The following DLGAP1 variants were observed in gnomAD, a reference collection of about 807,000 sequenced individuals.
DLGAP1 encodes the protein DLG associated protein 1, also known as disks large-associated protein 1.
A neutral mutation model predicts 90.8 loss-of-function variants in DLGAP1; 11 were observed. The observed-to-expected ratio is 0.12, with a 90% CI of 0.08 to 0.20. The LOEUF (loss-of-function observed/expected upper bound fraction) is 0.20, where lower values mean the gene tolerates loss of function less well. Among genes scored for constraint, DLGAP1 ranks in the 10% least tolerant of loss-of-function variants. DLGAP1 has a pLI of 1.00. For synonymous variants in DLGAP1, 558 were observed against 540.7 expected, an observed-to-expected ratio of 1.03 and a Z score of -0.44; for missense variants, 1,050 against 1,333.8, an observed-to-expected ratio of 0.79 and a Z score of 3.31.
chr18:3,844,606 A>G (rs566006340), intron 4 of DLGAP1, among the ~76,000 whole-genome samples: 1 of 152,328 alleles, frequency 6.6e-6, no homozygotes, highest in East Asian at 1.9e-4. Context: ...CACATGAACC[A>G]AAATCATTGC....
intron 1 of DLGAP1, among the ~76,000 whole-genome samples, chr18:4,300,621 C>A (rs1434642533): frequency 6.6e-6 from 1 of 152,110 alleles, no homozygotes; most frequent in Non-Finnish European, 1.5e-5. Flanking sequence ...TATTACTGAT[C>A]ACCCCTCTTT....
chr18:4,234,865 G>A (rs28459411), intron 1 of DLGAP1, among the ~76,000 whole-genome samples: 3,462 of 152,210 alleles, frequency 0.023, 43 homozygotes, highest in African/African-American at 0.024. Flanking sequence ...TAAAAGAATA[G>A]TTTAAAAGAA....
intron 10 of DLGAP1, among the ~76,000 whole-genome samples, chr18:3,525,821 C>T (rs909051622): frequency 6.6e-6 from 1 of 152,206 alleles, no homozygotes; most frequent in Non-Finnish European, 1.5e-5. Flanking sequence ...GGCCTAGGAA[C>T]AGATCTGTTT....
rs756706664 is a variant in DLGAP1 at position 3,581,840 on chromosome 18, T to A, written c.1965+35A>T. On this transcript the variant is annotated intron_variant, in intron 8 of 12. Transcript: ENST00000315677. ...AAGTGTTACATTCCTTAGTTTTAAG[T>A]TCCTATTTCAAAGGATAGAAAGGGA... The A allele has an allele frequency of 1.1e-5, 18 of 1,602,222 alleles. No individual in the cohort carries two copies. The South Asian group carries it at 1.9e-4, about 17-fold the overall frequency.
chr18:4,343,510 C>T (rs1236612074), intron 1 of DLGAP1, among the ~76,000 whole-genome samples: 1 of 151,978 alleles, frequency 6.6e-6, no homozygotes, highest in Admixed American at 6.6e-5. Flanking sequence ...AAGGGTAAAA[C>T]AGCCAAACTC....
At chr18:4,345,563 G>C (rs769266569) in intron 1 of DLGAP1, among the ~76,000 whole-genome samples, 1 of 152,082 alleles carries the variant, frequency 6.6e-6, no homozygotes. Flanking sequence ...CACAAATTGT[G>C]GCAATTATAG....
At chr18:3,930,354 C>T (rs1218340121) in intron 3 of DLGAP1, among the ~76,000 whole-genome samples, 1 of 152,128 alleles carries the variant, frequency 6.6e-6, no homozygotes, top group Admixed American at 6.6e-5. Flanking sequence ...CAAATATTTT[C>T]CCAGGTGGTT....
intron 2 of DLGAP1, among the ~76,000 whole-genome samples, chr18:4,097,254 T>C (rs916168160): frequency 6.6e-6 from 1 of 152,228 alleles, no homozygotes; most frequent in South Asian, 2.1e-4. Context: ...GGGGATCTGA[T>C]TGTTTCCTTG....
intron 7 of DLGAP1, among the ~76,000 whole-genome samples, chr18:3,633,819 T>A (rs1321126839): frequency 6.6e-6 from 1 of 152,204 alleles, no homozygotes; most frequent in African/African-American, 2.4e-5. Context: ...ATGGAGTCAG[T>A]GTAAGAACGT....
At chr18:3,833,170 C>A (rs1255664318) in intron 4 of DLGAP1, among the ~76,000 whole-genome samples, 1,661 of 4,876 alleles carry the variant, frequency 0.34, 158 homozygotes, top group Middle Eastern at 0.43. Flanking sequence ...TCCTTCCTTC[C>A]TTCCTTCCTT....
At chr18:3,873,773 A>G (rs779100783) in intron 4 of DLGAP1, among the ~76,000 whole-genome samples, 4 of 152,188 alleles carry the variant, frequency 2.6e-5, no homozygotes, top group Non-Finnish European at 5.9e-5. Flanking sequence ...CCCCAAAAAG[A>G]GCAATCATCA....
At chr18:3,562,535 C>T (rs1349708582) in intron 9 of DLGAP1, among the ~76,000 whole-genome samples, 2 of 145,762 alleles carry the variant, frequency 1.4e-5, no homozygotes, top group African/African-American at 2.6e-5. Context: ...GCCCTCTTCT[C>T]TCCCTTTTTT....
intron 3 of DLGAP1, among the ~76,000 whole-genome samples, chr18:3,969,455 C>A (rs2073399036): frequency 6.6e-6 from 1 of 152,070 alleles, no homozygotes; most frequent in South Asian, 2.1e-4. Context: ...CCCATTCTAG[C>A]CGTAGGAAAA....
intron 9 of DLGAP1, among the ~76,000 whole-genome samples, chr18:3,564,193 T>C (rs1018932944): frequency 6.6e-6 from 1 of 152,228 alleles, no homozygotes; most frequent in Non-Finnish European, 1.5e-5. Context: ...CATTTAGTAA[T>C]GTACTGGTAA....
chr18:3,941,310 C>T (rs928761804), intron 3 of DLGAP1, among the ~76,000 whole-genome samples: 1 of 152,178 alleles, frequency 6.6e-6, no homozygotes, highest in South Asian at 2.1e-4. Context: ...TTGGGGCTCA[C>T]GATGGAAACA....
chr18:3,562,853 C>T (rs1027958009), intron 9 of DLGAP1, among the ~76,000 whole-genome samples: 5 of 151,764 alleles, frequency 3.3e-5, no homozygotes, highest in East Asian at 1.9e-4. Context: ...TTTTGAGACA[C>T]GGTCTCTCTC....
At chr18:3,799,499 CTT>C (rs36090682) in intron 5 of DLGAP1, among the ~76,000 whole-genome samples, 24 of 144,174 alleles carry the variant, frequency 1.7e-4, no homozygotes, top group Admixed American at 2.7e-4. Context: ...AACGTAGTGC[CTT>C]TTTTTTTTTT....
rs185607842 is a variant in DLGAP1 at position 3,537,502 on chromosome 18, C to T, written c.2058-2887G>A. 9.2e-5 allele frequency among the ~76,000 whole-genome samples: 14 copies of T among 152,264 alleles called. No individual in the cohort carries two copies. The East Asian group carries it at 2.1e-3, about 23-fold the overall frequency. On this transcript the variant is annotated intron_variant, in intron 9 of 12. Transcript: ENST00000315677. ...ATGTATTTACCATATTTTGCTTACC[C>T]GTTCTTCCACTGATGGCCACTTAAG... is the stretch of plus-strand genomic sequence containing the variant.
chr18:3,937,573 C>A (rs1456468485), intron 3 of DLGAP1, among the ~76,000 whole-genome samples: 1 of 152,154 alleles, frequency 6.6e-6, no homozygotes, highest in Non-Finnish European at 1.5e-5. Flanking sequence ...CCATATCAAA[C>A]CAGCACACTT....
Sources: allele counts gnomAD v4.1 joint callset (sites outside exome capture counted in the v4.1 genomes callset), GRCh38; gene constraint gnomAD v4.1.1; transcripts MANE v1.5; gene names NCBI Gene and HGNC (gene_info 2026-07-23, HGNC 2026-07-21).